The following RBMS3 variants were observed in gnomAD, a reference collection of about 807,000 sequenced individuals.
RBMS3 encodes RNA-binding motif, single-stranded-interacting protein 3.
RBMS3 carries 27 observed loss-of-function variants against 66.8 expected under a neutral mutation model. The observed-to-expected ratio is 0.40, with a 90% CI of 0.30 to 0.56. The LOEUF (loss-of-function observed/expected upper bound fraction) is 0.56, where lower values mean the gene tolerates loss of function less well. Among genes scored for constraint, RBMS3 ranks in the 20% least tolerant of loss-of-function variants. The pLI is 0.40. For synonymous variants in RBMS3, 188 were observed against 183.0 expected, an observed-to-expected ratio of 1.03 and a Z score of -0.22; for missense variants, 513 against 549.5, an observed-to-expected ratio of 0.93 and a Z score of 0.66.
chr3:29,366,851 C>T (rs1301319659), intron 1 of RBMS3, among the ~76,000 whole-genome samples: 1 of 152,004 alleles, frequency 6.6e-6, no homozygotes, highest in Admixed American at 6.6e-5. Flanking sequence ...GACTTTTTTG[C>T]CATTTTTAAA....
intron 3 of RBMS3, among the ~76,000 whole-genome samples, chr3:29,507,807 G>T (rs1576051032): frequency 1.3e-5 from 2 of 152,060 alleles, no homozygotes; most frequent in Admixed American, 1.3e-4. Flanking sequence ...GAAGGCAAAG[G>T]TCTAAAGGAA....
intron 2 of RBMS3, among the ~76,000 whole-genome samples, chr3:29,482,972 C>T (rs983868607): frequency 6.6e-6 from 1 of 151,806 alleles, no homozygotes; most frequent in African/African-American, 2.4e-5. Context: ...TCCCAAAGTA[C>T]TGGGATTACA....
chr3:29,943,016 A>G (rs1288726850), intron 11 of RBMS3, among the ~76,000 whole-genome samples: 1 of 151,776 alleles, frequency 6.6e-6, no homozygotes, highest in Non-Finnish European at 1.5e-5. Context: ...TTGCATTTGA[A>G]TCTTTTGATC....
intron 6 of RBMS3, among the ~76,000 whole-genome samples, chr3:29,849,904 T>C (rs2058889822): frequency 6.6e-6 from 1 of 152,248 alleles, no homozygotes; most frequent in African/African-American, 2.4e-5. Flanking sequence ...TCAATAAACA[T>C]GCCAATTATG....
intron 10 of RBMS3, among the ~76,000 whole-genome samples, chr3:29,928,954 T>C (rs1577175713): frequency 1.3e-5 from 2 of 152,352 alleles, no homozygotes; most frequent in East Asian, 3.9e-4. Flanking sequence ...CCCTTTGTCA[T>C]TGAAGCTCTA....
At chr3:29,875,868 C>A (rs2149563982) in intron 7 of RBMS3, among the ~76,000 whole-genome samples, 1 of 152,208 alleles carries the variant, frequency 6.6e-6, no homozygotes, top group Non-Finnish European at 1.5e-5. Context: ...TCTTGTCCTT[C>A]TTTATTGCCA....
chr3:29,950,694 C>T (rs1221166106), intron 12 of RBMS3, among the ~76,000 whole-genome samples: 1 of 151,818 alleles, frequency 6.6e-6, no homozygotes, highest in Admixed American at 6.6e-5. Flanking sequence ...TTGGACATCC[C>T]TATTGAAATG....
chr3:29,831,264 C>T (rs1053144155), intron 6 of RBMS3, among the ~76,000 whole-genome samples: 3 of 152,116 alleles, frequency 2.0e-5, no homozygotes, highest in Admixed American at 6.5e-5. Flanking sequence ...ATATGCCAAT[C>T]GAATTCTCCT....
At chr3:29,931,688 C>T (rs2061130493) in intron 10 of RBMS3, among the ~76,000 whole-genome samples, 1 of 152,030 alleles carries the variant, frequency 6.6e-6, no homozygotes, top group Non-Finnish European at 1.5e-5. Context: ...AGAAATTAGA[C>T]ATCCCTACAT....
rs1276190515 is a variant in RBMS3, at chr3:30,006,606, A to G, written c.*2744A>G. 1.3e-5 allele frequency: 2 copies of G among 151,920 alleles called. No homozygotes were observed. Among genetic ancestry groups the G allele is most frequent in the Non-Finnish European group, 2.9e-5 (2 of 67,844 alleles). 9.4% of individuals were successfully genotyped at this position (151,920 alleles called of 1,614,324 possible). ...AAAGTTTTTTGGGGTACAAAAAGACATGTATGAGAACCATATTTTCTGTTT... is the reference window on the plus strand; with the variant it reads ...AAAGTTTTTTGGGGTACAAAAAGACGTGTATGAGAACCATATTTTCTGTTT... On this transcript the variant is annotated 3_prime_UTR_variant, in exon 15 of 15. Transcript: ENST00000383767.
At chr3:29,592,474 G>T (rs2047776419) in intron 4 of RBMS3, among the ~76,000 whole-genome samples, 2 of 152,170 alleles carry the variant, frequency 1.3e-5, no homozygotes, top group African/African-American at 4.8e-5. Context: ...TCTCACACCA[G>T]TTAGAATGGC....
At chr3:29,801,081 G>T (rs2057373806) in intron 6 of RBMS3, among the ~76,000 whole-genome samples, 1 of 151,876 alleles carries the variant, frequency 6.6e-6, no homozygotes, top group Admixed American at 6.6e-5. Flanking sequence ...GAAAGTCAGT[G>T]TAAGTTAATA....
chr3:29,713,870 C>T (rs1384195111), intron 4 of RBMS3, among the ~76,000 whole-genome samples: 2 of 152,042 alleles, frequency 1.3e-5, no homozygotes, highest in Non-Finnish European at 2.9e-5. Context: ...GCCTGGGCAA[C>T]ATGGTGAAAC....
chr3:29,673,782 G>A (rs2051109889), intron 4 of RBMS3, among the ~76,000 whole-genome samples: 1 of 152,052 alleles, frequency 6.6e-6, no homozygotes. Context: ...AACCAAAAAA[G>A]TCCAGGACCA....
intron 1 of RBMS3, among the ~76,000 whole-genome samples, chr3:29,425,915 A>G (rs2040940925): frequency 6.6e-6 from 1 of 152,154 alleles, no homozygotes; most frequent in Non-Finnish European, 1.5e-5. Flanking sequence ...TTGATCTCTG[A>G]GGTATTCCTT....
At chr3:29,438,028 T>TTCTC (rs34431369) in intron 2 of RBMS3, among the ~76,000 whole-genome samples, 6,186 of 142,490 alleles carry the variant, frequency 0.043, 299 homozygotes, top group African/African-American at 0.12. Context: ...CCTTGCTTGT[T>TTCTC]TCTCTCTCTC....
intron 1 of RBMS3, among the ~76,000 whole-genome samples, chr3:29,426,870 G>A (rs2040980352): frequency 6.7e-6 from 1 of 149,546 alleles, no homozygotes; most frequent in African/African-American, 2.4e-5. Flanking sequence ...TATTGGCTCT[G>A]TGCCAGGCCC....
chr3:29,614,749 G>T (rs556568867), intron 4 of RBMS3: 2 of 152,160 alleles, frequency 1.3e-5, no homozygotes, highest in East Asian at 3.9e-4. Flanking sequence ...GAGATCTCTG[G>T]AAACTATGTT....
rs142893212 is a variant in RBMS3, at chr3:29,981,342, G to A, written c.1099-6801G>A. On this transcript the variant is annotated intron_variant, in intron 12 of 14. Transcript: ENST00000383767. Reference sequence around the variant, plus strand: ...AGGAGATTTTGGGCTGAGACGGTGGGGTTTTCTAAATATACAATCATGTCA... The same window carrying A: ...AGGAGATTTTGGGCTGAGACGGTGGAGTTTTCTAAATATACAATCATGTCA... Among the ~76,000 whole-genome samples the A allele has an allele frequency of 5.3e-3, 801 of 152,178 alleles. 28 individuals are homozygous for A. The highest frequency in any genetic ancestry group is 0.039 in the Admixed American group (589 of 15,272).
Sources: gnomAD v4.1 joint callset for allele counts (sites outside exome capture counted in the v4.1 genomes callset) on GRCh38, gnomAD v4.1.1 for gene constraint, MANE v1.5 for transcripts, NCBI Gene and HGNC (gene_info 2026-07-23, HGNC 2026-07-21) for gene names.